Variants in SBNO1 observed in about 807,000 individuals in gnomAD.
SBNO1 encodes protein strawberry notch homolog 1.
SBNO1 carries 23 observed loss-of-function variants against 173.6 expected under a neutral mutation model. The ratio of observed to expected loss-of-function variants is 0.13; its 90% CI spans 0.10 to 0.19. The LOEUF (loss-of-function observed/expected upper bound fraction) is 0.19. Ranked by LOEUF, SBNO1 falls within the 10% of genes least tolerant of loss-of-function variation. SBNO1 has a pLI of 1.00. For synonymous variants in SBNO1, 632 were observed against 571.5 expected, an observed-to-expected ratio of 1.11 and a Z score of -1.51; for missense variants, 1,238 against 1,671.2, an observed-to-expected ratio of 0.74 and a Z score of 4.52.
chr12:123,339,615 C>T (rs527941176), intron 5 of SBNO1, among the ~76,000 whole-genome samples: 15 of 151,930 alleles, frequency 9.9e-5, no homozygotes, highest in Non-Finnish European at 2.1e-4. Context: ...GGTAAAACCC[C>T]GTCTCTACTA....
intron 18 of SBNO1, 27 bp downstream of exon 18, chr12:123,320,672 T>A (rs1486528275): frequency 6.3e-7 from 1 of 1,594,378 alleles, no homozygotes; most frequent in Admixed American, 1.8e-5. Context: ...AAACAGTATT[T>A]CAAAAAGGAA....
At position 123,311,066 on chromosome 12, in the gene SBNO1, G is replaced by C. The variant is rs1300308811; in HGVS notation, c.3284C>G (p.Thr1095Ser). ...INVEDRSGILTLDKDYNNIGK... is the reference protein window; with the variant it reads ...INVEDRSGILSLDKDYNNIGK... ...GCTAATAGTAGTACCTTTATCGAGAGTAAGAATTCCCGAGCGATCTTCTAC... is the reference window on the plus strand; with the variant it reads ...GCTAATAGTAGTACCTTTATCGAGACTAAGAATTCCCGAGCGATCTTCTAC... Residue 1095 changes from threonine (T) to serine (S), a missense_variant, in exon 25 of 32, where the codon ACT (threonine) becomes AGT (serine). Thr to Ser is a moderately conservative substitution (Grantham distance 58, BLOSUM62 1). This residue lies in a region of SBNO1 where 351 missense variants were observed against 420.3 expected (regional missense o/e 0.84). Coordinates refer to ENST00000602398, the MANE Select transcript of SBNO1 (RefSeq NM_001167856.3). 3.7e-6 allele frequency: 6 copies of C among 1,611,334 alleles called. No individual in the cohort carries two copies. The highest frequency in any genetic ancestry group is 1.6e-4 in the Middle Eastern group (1 of 6,084).
intron 1 of SBNO1, 38 bp downstream of exon 1, chr12:123,364,663 G>C (rs1010492921): frequency 3.1e-6 from 3 of 983,204 alleles, no homozygotes; most frequent in Middle Eastern, 5.2e-4. Flanking sequence ...CCGGGAGGGG[G>C]AGTGTGGAAG....
At chr12:123,326,801 C>T (rs1870659271) in intron 13 of SBNO1, among the ~76,000 whole-genome samples, 1 of 152,088 alleles carries the variant, frequency 6.6e-6, no homozygotes. Context: ...TTGACATGCG[C>T]CTGCAGTCCC....
chr12:123,295,780 CA>C lies in SBNO1; in HGVS notation c.*127del, dbSNP rs1251285819. 4.8e-5 allele frequency: 63 copies of C among 1,312,370 alleles called. No homozygotes were observed. The highest frequency in any genetic ancestry group is 6.2e-5 in the Non-Finnish European group (59 of 954,612). The allele number at this position is 1,312,370 out of a possible 1,614,324, so 81.3% of individuals were successfully genotyped here. On this transcript the variant is annotated 3_prime_UTR_variant, in exon 32 of 32. Coordinates refer to ENST00000602398, the MANE Select transcript of SBNO1 (RefSeq NM_001167856.3). ...TCTATTCCAGGTTTGTCCTTACTCC[CA>C]AAAAAACTAACTAGAGAGCACAACT...
intron 28 of SBNO1, among the ~76,000 whole-genome samples, chr12:123,305,580 T>C (rs2048893795): frequency 6.6e-6 from 1 of 152,122 alleles, no homozygotes; most frequent in African/African-American, 2.4e-5. Flanking sequence ...TCAAGGCGAT[T>C]CTCCTGCCTC....
intron 30 of SBNO1, 96 bp from the exon 31 acceptor site, chr12:123,298,267 TTTC>T (rs2048670446): frequency 4.4e-5 from 54 of 1,226,250 alleles, no homozygotes; most frequent in East Asian, 1.4e-4. Context: ...TTTCTTTTCT[TTTC>T]TTTTTTTTTT....
In SBNO1 at chr12:123,326,299, T is replaced by C. The variant is rs1344217270; in HGVS notation, c.1728A>G (p.Ala576=). Residue 576 remains alanine, a synonymous_variant, in exon 14 of 32, where the codon GCA becomes GCG. Transcript: ENST00000602398. ...TTCGTTGCTCAGCATCAATCAGATC[T>C]GCAGCTTGCTGAAACCGCTCTCTGG... ...VIARERFQQA[A]DLIDAEQRMK... 2 of 1,608,072 alleles carry C rather than the reference T, an allele frequency of 1.2e-6. No homozygotes were observed. Among genetic ancestry groups the C allele is most frequent in the Non-Finnish European group, 8.5e-7 (1 of 1,176,694 alleles).
chr12:123,356,002 G>T (rs1874420811), intron 1 of SBNO1, among the ~76,000 whole-genome samples: 1 of 152,060 alleles, frequency 6.6e-6, no homozygotes, highest in Non-Finnish European at 1.5e-5. Flanking sequence ...GTTACCAAGG[G>T]GGACAAGGTT....
chr12:123,345,220 CAGAG>C (rs768889624), intron 4 of SBNO1, 34 bp downstream of exon 4: 4 of 1,536,178 alleles, frequency 2.6e-6, no homozygotes, highest in East Asian at 2.3e-5. Context: ...CATAGCTTAC[CAGAG>C]AGAGAAAGTT....
intron 5 of SBNO1, among the ~76,000 whole-genome samples, chr12:123,340,351 C>G (rs1170771475): frequency 6.6e-6 from 1 of 152,066 alleles, no homozygotes; most frequent in South Asian, 2.1e-4. Flanking sequence ...GAGGCTGAGG[C>G]GGGCAGATTA....
chr12:123,321,703 C>T lies in SBNO1; in HGVS notation c.2155G>A (p.Ala719Thr), dbSNP rs938756153. Residue 719 changes from alanine to threonine, a missense_variant, in exon 17 of 32, where the codon GCA (alanine) becomes ACA (threonine). By Grantham distance (58) the Ala-to-Thr change is moderately conservative (BLOSUM62 0). Around this residue, in one of 14 missense-constraint regions of SBNO1, gnomAD observed 81 missense variants for 82.6 expected, o/e 0.98. Coordinates refer to ENST00000602398, the MANE Select transcript of SBNO1 (RefSeq NM_001167856.3). ...CCAGTAAGGCCACCTACTTTTCGTG[C>T]TTTTTTGGCTTCTCGAGTTATTTCT... Reference protein sequence around the residue: ...GEEITREAKKARKVGGLTGSS... With the variant: ...GEEITREAKKTRKVGGLTGSS... The T allele has an allele frequency of 2.5e-6, 4 of 1,613,856 alleles. No individual in the cohort carries two copies. The highest frequency in any genetic ancestry group is 3.4e-6 in the Non-Finnish European group (4 of 1,179,930).
intron 20 of SBNO1, among the ~76,000 whole-genome samples, chr12:123,318,471 G>A (rs1455344973): frequency 4.0e-5 from 6 of 151,832 alleles, no homozygotes; most frequent in East Asian, 3.9e-4. Context: ...AGTAGCTCAC[G>A]CCTATAATCC....
intron 13 of SBNO1, among the ~76,000 whole-genome samples, chr12:123,326,989 T>G (rs1235243664): frequency 2.6e-5 from 4 of 152,042 alleles, no homozygotes; most frequent in Non-Finnish European, 4.4e-5. Context: ...GTAACTCATC[T>G]GTTTGTTTTT....
At chr12:123,301,981 C>T (rs2048805146) in intron 30 of SBNO1, among the ~76,000 whole-genome samples, 1 of 151,568 alleles carries the variant, frequency 6.6e-6, no homozygotes, top group African/African-American at 2.4e-5. Context: ...GCTCTTGTTG[C>T]CCAGGCTGGA....
intron 17 of SBNO1, 26 bp downstream of exon 17, chr12:123,321,509 G>T (rs143790792): frequency 1.4e-6 from 2 of 1,458,674 alleles, no homozygotes; most frequent in Admixed American, 1.7e-5. Flanking sequence ...ATATGCTTTC[G>T]TGTATATTTA....
At position 123,336,489 on chromosome 12, in the gene SBNO1, C is replaced by T. The variant is rs532802325; in HGVS notation, c.654G>A (p.Lys218=). 1.7e-5 allele frequency: 27 copies of T among 1,604,358 alleles called. No individual in the cohort carries two copies. Among genetic ancestry groups the T allele is most frequent in the Middle Eastern group, 1.7e-4 (1 of 6,036 alleles). The part of the protein sequence containing the change: ...MKMRSFSPTM[K]VPVVKEDDEP... ...CATCATCTTCTTTTACAACAGGAAC[C>T]TTCTGCAACACAGAAAGAGCACAAT... is the stretch of plus-strand genomic sequence containing the variant. The change falls in exon 6 of 32, where the codon AAG becomes AAA. Residue 218 remains lysine, a splice_region_variant and synonymous_variant. Coordinates refer to ENST00000602398, the MANE Select transcript of SBNO1 (RefSeq NM_001167856.3).
chr12:123,309,642 G>A (rs569221432), intron 26 of SBNO1, 59 bp from the exon 27 acceptor site: 27 of 1,598,366 alleles, frequency 1.7e-5, no homozygotes, highest in South Asian at 7.8e-5. Flanking sequence ...AGGTACACAC[G>A]TTTAAAGAAT....
chr12:123,342,971 G>C (rs918236092), intron 4 of SBNO1, among the ~76,000 whole-genome samples: 3 of 152,190 alleles, frequency 2.0e-5, no homozygotes, highest in African/African-American at 7.2e-5. Context: ...TAACAGGCCA[G>C]GTGCTCACGC....
Sources: gnomAD v4.1 joint callset for allele counts (sites outside exome capture counted in the v4.1 genomes callset) on GRCh38, gnomAD v4.1.1 for gene constraint, gnomAD v4.1.1 regional missense constraint, MANE v1.5 for transcripts, NCBI Gene and HGNC (gene_info 2026-07-23, HGNC 2026-07-21) for gene names.